Variants in FAM178B observed in about 807,000 individuals in gnomAD.
FAM178B encodes the protein protein FAM178B.
FAM178B carries 82 observed loss-of-function variants against 91.7 expected under a neutral mutation model. That is an observed-to-expected ratio of 0.89 (90% CI 0.75 to 1.07). The LOEUF is 1.07. Among genes scored for constraint, FAM178B ranks in the 50% least tolerant of loss-of-function variants. The pLI is 0.00. For synonymous variants in FAM178B, 368 were observed against 359.4 expected, an observed-to-expected ratio of 1.02 and a Z score of -0.27; for missense variants, 769 against 846.7, an observed-to-expected ratio of 0.91 and a Z score of 1.14.
intron 3 of FAM178B, 62 bp downstream of exon 3, chr2:96,971,839 G>A: frequency 7.0e-7 from 1 of 1,429,652 alleles, no homozygotes; most frequent in Non-Finnish European, 9.2e-7. Flanking sequence ...TGGGGTGACT[G>A]TAAAAGGGTG....
At chr2:96,882,835 G>A (rs938136534) in intron 14 of FAM178B, among the ~76,000 whole-genome samples, 3 of 152,232 alleles carry the variant, frequency 2.0e-5, no homozygotes, top group East Asian at 3.8e-4. Flanking sequence ...CCCATGGCAC[G>A]TTAGTCAGGC....
intron 4 of FAM178B, among the ~76,000 whole-genome samples, chr2:96,970,360 C>A (rs189633652): frequency 6.6e-6 from 1 of 152,342 alleles, no homozygotes; most frequent in African/African-American, 2.4e-5. Context: ...GACCCTCCAG[C>A]CACAGCCAGG....
chr2:96,925,658 A>G (rs1195430967), intron 9 of FAM178B, among the ~76,000 whole-genome samples: 1 of 151,970 alleles, frequency 6.6e-6, no homozygotes, highest in Non-Finnish European at 1.5e-5. Context: ...AAGCAGCTTC[A>G]CTGGTCCCAC....
At chr2:96,910,293 C>A (rs1005036455) in intron 12 of FAM178B, among the ~76,000 whole-genome samples, 1 of 152,190 alleles carries the variant, frequency 6.6e-6, no homozygotes, top group Non-Finnish European at 1.5e-5. Flanking sequence ...ACGGCCCCAA[C>A]TTCATGTCTC....
intron 14 of FAM178B, among the ~76,000 whole-genome samples, chr2:96,891,916 G>A (rs934008820): frequency 3.3e-5 from 5 of 152,186 alleles, no homozygotes; most frequent in African/African-American, 4.8e-5. Context: ...AGGCTGGGCC[G>A]CCTCAGGTCA....
chr2:96,970,284 C>T (rs1360670532), intron 4 of FAM178B, among the ~76,000 whole-genome samples: 2 of 152,172 alleles, frequency 1.3e-5, no homozygotes, highest in Non-Finnish European at 2.9e-5. Flanking sequence ...AAATGGGCAA[C>T]GCGTGCCTGC....
At chr2:96,928,135 T>C (rs538846314) in intron 9 of FAM178B, among the ~76,000 whole-genome samples, 11 of 152,108 alleles carry the variant, frequency 7.2e-5, no homozygotes, top group Non-Finnish European at 1.6e-4. Context: ...CCACTTTCCA[T>C]GCAGAGGAAC....
chr2:96,965,852 C>T (rs961299113), intron 5 of FAM178B, among the ~76,000 whole-genome samples: 8 of 152,110 alleles, frequency 5.3e-5, no homozygotes, highest in African/African-American at 7.2e-5. Flanking sequence ...TCTCTTACTC[C>T]TAGACCTTCC....
At chr2:96,952,470 C>CCT (rs1436392290) in intron 6 of FAM178B, among the ~76,000 whole-genome samples, 1 of 152,214 alleles carries the variant, frequency 6.6e-6, no homozygotes, top group Non-Finnish European at 1.5e-5. Flanking sequence ...CGGGCCTCTT[C>CCT]CTCCTAACAG....
chr2:96,956,555 A>G (rs1380731015), intron 6 of FAM178B, among the ~76,000 whole-genome samples: 1 of 152,250 alleles, frequency 6.6e-6, no homozygotes, highest in African/African-American at 2.4e-5. Context: ...TTTCACAGAA[A>G]GGTAAGGAGA....
chr2:96,886,298 C>T (rs1253548942), intron 14 of FAM178B, among the ~76,000 whole-genome samples: 1 of 152,256 alleles, frequency 6.6e-6, no homozygotes. Flanking sequence ...TGCTAGCTTG[C>T]CAATGTGACT....
intron 8 of FAM178B, among the ~76,000 whole-genome samples, chr2:96,935,994 T>G (rs879734973): frequency 6.6e-6 from 1 of 151,938 alleles, no homozygotes; most frequent in Non-Finnish European, 1.5e-5. Flanking sequence ...TGGACTTCAG[T>G]TAATAATGTA....
At chr2:96,955,383 C>T (rs1233270127) in intron 6 of FAM178B, among the ~76,000 whole-genome samples, 1 of 152,048 alleles carries the variant, frequency 6.6e-6, no homozygotes, top group Admixed American at 6.6e-5. Flanking sequence ...TGGTGGTGGG[C>T]GCCTGTAGGC....
chr2:96,954,911 C>A (rs777585678), intron 6 of FAM178B, among the ~76,000 whole-genome samples: 2 of 152,226 alleles, frequency 1.3e-5, no homozygotes, highest in Non-Finnish European at 2.9e-5. Flanking sequence ...CTTAGCTAAG[C>A]ATGGTAGTGC....
At chr2:96,948,942 G>C (rs1019762094) in intron 7 of FAM178B, among the ~76,000 whole-genome samples, 3 of 152,114 alleles carry the variant, frequency 2.0e-5, no homozygotes, top group Non-Finnish European at 2.9e-5. Flanking sequence ...TGGTTCCCAA[G>C]CACGCCCCCC....
chr2:96,953,831 C>A (rs1372255972), intron 6 of FAM178B, among the ~76,000 whole-genome samples: 1 of 152,206 alleles, frequency 6.6e-6, no homozygotes, highest in South Asian at 2.1e-4. Flanking sequence ...AGGGTGACCT[C>A]AAGCTTGGCT....
intron 4 of FAM178B, among the ~76,000 whole-genome samples, chr2:96,968,291 G>A (rs557899988): frequency 3.1e-4 from 47 of 151,872 alleles, no homozygotes; most frequent in African/African-American, 8.2e-4. Context: ...TCTGTTTTCC[G>A]CCACCAGCCC....
chr2:96,877,258 G>A (rs1435497622), intron 16 of FAM178B, among the ~76,000 whole-genome samples: 2 of 152,182 alleles, frequency 1.3e-5, no homozygotes, highest in Non-Finnish European at 2.9e-5. Flanking sequence ...CAAGTGAACA[G>A]CTGGGGCCCC....
At chr2:96,909,142 C>CAAAAAA (rs368745154) in intron 12 of FAM178B, among the ~76,000 whole-genome samples, 5 of 77,392 alleles carry the variant, frequency 6.5e-5, no homozygotes, top group Non-Finnish European at 1.1e-4. Flanking sequence ...GACTCTGTCT[C>CAAAAAA]AAAAAAAAAA....
Sources: gnomAD v4.1 joint callset for allele counts (sites outside exome capture counted in the v4.1 genomes callset) on GRCh38, gnomAD v4.1.1 for gene constraint, MANE v1.5 for transcripts, NCBI Gene and HGNC (gene_info 2026-07-23, HGNC 2026-07-21) for gene names.